Variants in CTNND2 observed in about 807,000 individuals in gnomAD.
CTNND2 encodes catenin delta-2.
CTNND2 carries 22 observed loss-of-function variants against 144.4 expected under a neutral mutation model. The observed-to-expected ratio is 0.15, with a 90% confidence interval of 0.11 to 0.22. The LOEUF (loss-of-function observed/expected upper bound fraction) is 0.22, where lower values mean the gene tolerates loss of function less well. Ranked by LOEUF, CTNND2 falls within the 10% of genes least tolerant of loss-of-function variation. The probability of loss-of-function intolerance (pLI) is 1.00; values close to 1 mark genes in which losing one functional copy is unlikely to be tolerated. For missense variants in CTNND2, 1,353 were observed against 1,618.8 expected, an observed-to-expected ratio of 0.84 and a Z score of 2.82; for synonymous variants, 751 against 695.6, an observed-to-expected ratio of 1.08 and a Z score of -1.25.
At chr5:11,703,961 T>TA (rs1169923935) in intron 2 of CTNND2, among the ~76,000 whole-genome samples, 1 of 152,204 alleles carries the variant, frequency 6.6e-6, no homozygotes, top group African/African-American at 2.4e-5. Context: ...CAAATAATCT[T>TA]AAACAAGCAT....
chr5:11,191,573 C>T (rs1449182814), intron 11 of CTNND2, among the ~76,000 whole-genome samples: 2 of 152,166 alleles, frequency 1.3e-5, no homozygotes, highest in Non-Finnish European at 2.9e-5. Context: ...GAGACATCTG[C>T]GGGATGCCTG....
intron 14 of CTNND2, among the ~76,000 whole-genome samples, chr5:11,105,149 G>C (rs1293979623): frequency 1.3e-5 from 2 of 152,246 alleles, no homozygotes; most frequent in East Asian, 3.8e-4. Flanking sequence ...TGCTCATCTA[G>C]AATTCTCTCT....
At chr5:11,615,683 T>C (rs1780545837) in intron 2 of CTNND2, among the ~76,000 whole-genome samples, 1 of 152,204 alleles carries the variant, frequency 6.6e-6, no homozygotes. Context: ...CTCTATATTC[T>C]GGCTGTTAGT....
At chr5:11,234,658 C>A (rs1741413527) in intron 10 of CTNND2, among the ~76,000 whole-genome samples, 1 of 152,198 alleles carries the variant, frequency 6.6e-6, no homozygotes, top group African/African-American at 2.4e-5. Flanking sequence ...CACTGAGAGG[C>A]CCCAAGGCTG....
At chr5:11,681,735 T>C (rs1268788309) in intron 2 of CTNND2, among the ~76,000 whole-genome samples, 2 of 152,226 alleles carry the variant, frequency 1.3e-5, no homozygotes, top group Non-Finnish European at 2.9e-5. Flanking sequence ...CAATTAATAA[T>C]TTGATGTGTA....
At chr5:11,610,088 C>T (rs1349179491) in intron 2 of CTNND2, among the ~76,000 whole-genome samples, 1 of 152,168 alleles carries the variant, frequency 6.6e-6, no homozygotes, top group Non-Finnish European at 1.5e-5. Flanking sequence ...TTGTTCCAGA[C>T]ACAAAGTTCC....
intron 3 of CTNND2, among the ~76,000 whole-genome samples, chr5:11,441,142 A>T (rs1764222999): frequency 6.6e-6 from 1 of 152,182 alleles, no homozygotes; most frequent in African/African-American, 2.4e-5. Flanking sequence ...TATGGGGATC[A>T]TATTTGGTAA....
chr5:11,851,329 T>C (rs1423731429), intron 1 of CTNND2, among the ~76,000 whole-genome samples: 1 of 152,158 alleles, frequency 6.6e-6, no homozygotes, highest in Non-Finnish European at 1.5e-5. Flanking sequence ...ATTTCTCTTA[T>C]TAGAATAACA....
intron 3 of CTNND2, among the ~76,000 whole-genome samples, chr5:11,444,919 T>C (rs1764669880): frequency 6.6e-6 from 1 of 152,024 alleles, no homozygotes; most frequent in Non-Finnish European, 1.5e-5. Flanking sequence ...CATGAGGGGA[T>C]CAGCTGAGGG....
intron 8 of CTNND2, among the ~76,000 whole-genome samples, chr5:11,359,815 C>G (rs1756264004): frequency 6.6e-6 from 1 of 152,164 alleles, no homozygotes; most frequent in Non-Finnish European, 1.5e-5. Flanking sequence ...GGATGGAGAA[C>G]CCCTTTAGAC....
At chr5:11,189,654 T>C (rs1471585904) in intron 11 of CTNND2, among the ~76,000 whole-genome samples, 2 of 152,206 alleles carry the variant, frequency 1.3e-5, no homozygotes, top group Admixed American at 1.3e-4. Flanking sequence ...TGGTAAGGTG[T>C]CCAGTCAACA....
rs2126753074 is a variant in CTNND2 at position 11,736,432 on chromosome 5, G to A, written c.38-4160C>T. 2.0e-5 allele frequency among the ~76,000 whole-genome samples: 3 copies of A among 152,274 alleles called. No individual in the cohort carries two copies. In the Middle Eastern group the frequency reaches 0.01, roughly 518 times the overall value. On this transcript the variant is annotated intron_variant, in intron 1 of 21. Coordinates refer to ENST00000304623, the MANE Select transcript of CTNND2 (RefSeq NM_001332.4). ...CCTAAAGCAACCTCCATTCCTGAAT[G>A]CAAATGACTTGGAATAATTTCCATG...
chr5:11,872,008 T>C (rs1052630832), intron 1 of CTNND2, among the ~76,000 whole-genome samples: 1 of 152,130 alleles, frequency 6.6e-6, no homozygotes, highest in African/African-American at 2.4e-5. Flanking sequence ...ACATTAGGTA[T>C]TTCTCCTAAT....
chr5:11,559,851 G>C (rs1232627363), intron 3 of CTNND2, among the ~76,000 whole-genome samples: 1 of 152,178 alleles, frequency 6.6e-6, no homozygotes, highest in African/African-American at 2.4e-5. Context: ...CTGACGCCCA[G>C]TGCCAGCTCT....
intron 11 of CTNND2, among the ~76,000 whole-genome samples, chr5:11,172,064 G>A (rs902603748): frequency 2.0e-5 from 3 of 152,108 alleles, no homozygotes; most frequent in Non-Finnish European, 4.4e-5. Context: ...TGACAAAAAT[G>A]GCAATTACTT....
At chr5:11,601,834 A>G (rs1030118212) in intron 2 of CTNND2, among the ~76,000 whole-genome samples, 2 of 152,288 alleles carry the variant, frequency 1.3e-5, no homozygotes, top group Non-Finnish European at 1.5e-5. Context: ...TACTGAAAAT[A>G]CTCAGGCACA....
intron 12 of CTNND2, among the ~76,000 whole-genome samples, chr5:11,159,127 CAG>C (rs905758613): frequency 6.8e-4 from 103 of 152,282 alleles, no homozygotes; most frequent in African/African-American, 2.4e-3. Flanking sequence ...TACAGTCAAA[CAG>C]AGAATTTTTA....
intron 1 of CTNND2, among the ~76,000 whole-genome samples, chr5:11,865,254 T>G (rs1013124351): frequency 1.3e-5 from 2 of 152,176 alleles, no homozygotes; most frequent in Non-Finnish European, 2.9e-5. Context: ...GAGAAGAGCA[T>G]ATTTACAAGC....
chr5:11,465,226 C>T (rs1766552669), intron 3 of CTNND2, among the ~76,000 whole-genome samples: 1 of 151,802 alleles, frequency 6.6e-6, no homozygotes, highest in African/African-American at 2.4e-5. Flanking sequence ...AAATATTTTC[C>T]AAAAAGCCCC....
Sources: gnomAD v4.1 joint callset for allele counts (sites outside exome capture counted in the v4.1 genomes callset) on GRCh38, gnomAD v4.1.1 for gene constraint, MANE v1.5 for transcripts, NCBI Gene and HGNC (gene_info 2026-07-23, HGNC 2026-07-21) for gene names.